Variants in ZNF676 observed in about 807,000 individuals in gnomAD.
The protein encoded by ZNF676 is zinc finger protein 676.
ZNF676 carries 4 observed loss-of-function variants against 6.0 expected under a neutral mutation model. The observed-to-expected ratio is 0.67, with a 90% CI of 0.33 to 1.53. The LOEUF is 1.53. Ranked by LOEUF, ZNF676 falls within the 40% of genes most tolerant of loss-of-function variation. The pLI is 0.06. For missense variants in ZNF676, 644 were observed against 679.7 expected, an observed-to-expected ratio of 0.95 and a Z score of 0.58; for synonymous variants, 198 against 223.1, an observed-to-expected ratio of 0.89 and a Z score of 1.00.
intron 1 of ZNF676, chr19:22,215,559 C>CGCCACA: frequency 1.9e-6 from 3 of 1,559,000 alleles, no homozygotes; most frequent in Non-Finnish European, 2.6e-6. Context: ...GCTTGAGTCC[C>CGCCACA]GCCACAGCCA....
chr19:22,192,779 T>G (rs2023924982), intron 2 of ZNF676, among the ~76,000 whole-genome samples: 1 of 152,182 alleles, frequency 6.6e-6, no homozygotes, highest in Non-Finnish European at 1.5e-5. Flanking sequence ...AACAGTACTT[T>G]GGCTATCACT....
intron 2 of ZNF676, among the ~76,000 whole-genome samples, chr19:22,188,945 T>G (rs1280904520): frequency 1.3e-5 from 2 of 152,138 alleles, no homozygotes; most frequent in African/African-American, 4.8e-5. Context: ...AATTTACAGA[T>G]TCAATGCCAT....
At chr19:22,239,905 T>C in the ZNF676 span, among the ~76,000 whole-genome samples, 3 of 152,132 alleles carry the variant, frequency 2.0e-5, no homozygotes, top group East Asian at 5.8e-4. Context: ...CACAATGCCC[T>C]CTGATGGAAG....
At chr19:22,221,166 G>A in the ZNF676 span, among the ~76,000 whole-genome samples, 1 of 151,734 alleles carries the variant, frequency 6.6e-6, no homozygotes, top group Non-Finnish European at 1.5e-5. Flanking sequence ...AACAATCTCA[G>A]GTTGTTTATT....
rs749217105 is a variant in ZNF676, at chr19:22,181,189, T to C, written c.528A>G (p.Lys176=). 8 of 1,613,990 alleles carry C rather than the reference T, an allele frequency of 5.0e-6. No homozygotes were observed. The highest frequency in any genetic ancestry group is 3.3e-4 in the Middle Eastern group (2 of 6,062). ...ENSYKCEENG[K]AFNWSSTLTY... is the part of the protein sequence containing the mutation. Reference sequence around the variant, plus strand: ...TAAGGGTTGAGGACCAGTTAAAAGCTTTGCCATTTTCTTCACATTTGTAGG... The same window carrying C: ...TAAGGGTTGAGGACCAGTTAAAAGCCTTGCCATTTTCTTCACATTTGTAGG... The change falls in exon 3 of 3, where the codon AAA becomes AAG. Residue 176 remains lysine (K), a synonymous_variant. Transcript: ENST00000397121.
At chr19:22,224,662 G>T in the ZNF676 span, among the ~76,000 whole-genome samples, 1 of 152,202 alleles carries the variant, frequency 6.6e-6, no homozygotes. Flanking sequence ...TGTAAAAACA[G>T]ATAACATAAA....
chr19:22,202,630 A>C (rs1323029286), intron 1 of ZNF676, among the ~76,000 whole-genome samples: 1 of 152,232 alleles, frequency 6.6e-6, no homozygotes, highest in East Asian at 1.9e-4. Flanking sequence ...ACACAATTAC[A>C]TGTGAATGTG....
intron 2 of ZNF676, among the ~76,000 whole-genome samples, chr19:22,182,810 T>C (rs1323325839): frequency 1.3e-5 from 2 of 151,980 alleles, no homozygotes; most frequent in Non-Finnish European, 2.9e-5. Flanking sequence ...CCTAGTCATA[T>C]AAAAATACAT....
chr19:22,241,687 G>A, the ZNF676 span, among the ~76,000 whole-genome samples: 3 of 151,722 alleles, frequency 2.0e-5, no homozygotes, highest in Non-Finnish European at 2.9e-5. Context: ...CCTCCATGCT[G>A]GTATGAACCC....
the ZNF676 span, among the ~76,000 whole-genome samples, chr19:22,229,140 T>C: frequency 9.9e-5 from 15 of 152,260 alleles, no homozygotes; most frequent in Middle Eastern, 3.4e-3. Flanking sequence ...ATGGTATTGG[T>C]ATCAAAACAG....
chr19:22,229,339 A>C, the ZNF676 span, among the ~76,000 whole-genome samples: 4 of 152,330 alleles, frequency 2.6e-5, no homozygotes, highest in Admixed American at 2.0e-4. Flanking sequence ...TACACCATAT[A>C]CAAAAATTAA....
rs1347261418 is a variant in ZNF676, at chr19:22,196,671, C to T, written c.-38G>A. 4 of 1,613,264 alleles carry T rather than the reference C, an allele frequency of 2.5e-6. No individual in the cohort carries two copies. Among genetic ancestry groups the T allele is most frequent in the Non-Finnish European group, 3.4e-6 (4 of 1,179,456 alleles). ...TAAATTCTGCTGTGTAGAATCCAGG[C>T]ATTGCCACTCCTCCAGAGAGAATTC... On this transcript the variant is annotated 5_prime_UTR_variant, in exon 1 of 3. The change abolishes an upstream ATG in the 5' untranslated region. Transcript: ENST00000397121.
At chr19:22,251,572 G>A in the ZNF676 span, among the ~76,000 whole-genome samples, 2 of 151,982 alleles carry the variant, frequency 1.3e-5, no homozygotes, top group African/African-American at 2.4e-5. Context: ...GGCAGATCAC[G>A]ATGTCAGGGG....
chr19:22,237,957 C>T, the ZNF676 span, among the ~76,000 whole-genome samples: 1 of 152,176 alleles, frequency 6.6e-6, no homozygotes, highest in Non-Finnish European at 1.5e-5. Context: ...TCCACAATTT[C>T]ATCTACAGGA....
chr19:22,200,217 T>C (rs1265837377), upstream of ZNF676, among the ~76,000 whole-genome samples: 2 of 152,004 alleles, frequency 1.3e-5, no homozygotes, highest in Non-Finnish European at 2.9e-5. Flanking sequence ...TATTACATAC[T>C]AATAAGAAAT....
chr19:22,186,956 CA>C (rs1245456412), intron 2 of ZNF676, among the ~76,000 whole-genome samples: 1 of 152,130 alleles, frequency 6.6e-6, no homozygotes, highest in Admixed American at 6.5e-5. Flanking sequence ...ACCCCACTGT[CA>C]ATATTAGACA....
At chr19:22,215,673 A>G in exon 1 of ZNF676, 1 of 1,606,604 alleles carries the variant, frequency 6.2e-7, no homozygotes, top group Non-Finnish European at 8.5e-7. Context: ...TTAGTTGTGG[A>G]TCTCCCAATA....
In ZNF676 at chr19:22,181,122, A is replaced by G. The variant is rs2023740475; in HGVS notation, c.595T>C (p.Cys199Arg). 2 of 1,613,698 alleles carry G rather than the reference A, an allele frequency of 1.2e-6. No individual in the cohort carries two copies. The highest frequency in any genetic ancestry group is 2.7e-5 in the African/African-American group (2 of 74,924). Residue 199 changes from cysteine to arginine, a missense_variant, in exon 3 of 3, where the codon TGT becomes CGT. Cys to Arg is a radical substitution (Grantham distance 180). Coordinates refer to ENST00000397121, the MANE Select transcript of ZNF676 (RefSeq NM_001001411.3). ...CTAAAGGCTTTGCCACATTCTTCAC[A>G]TTTGTAGGGTTTCTCTCCAGTATGA... Reference protein sequence around the residue: ...SIHTGEKPYKCEECGKAFSKF... With the variant: ...SIHTGEKPYKREECGKAFSKF...
chr19:22,237,635 C>G, the ZNF676 span, among the ~76,000 whole-genome samples: 3 of 152,180 alleles, frequency 2.0e-5, no homozygotes, highest in Non-Finnish European at 2.9e-5. Context: ...GAGGCCATCA[C>G]AGTTGCCTCA....
Sources: allele counts gnomAD v4.1 joint callset (sites outside exome capture counted in the v4.1 genomes callset), GRCh38; gene constraint gnomAD v4.1.1; transcripts MANE v1.5; gene names NCBI Gene and HGNC (gene_info 2026-07-23, HGNC 2026-07-21).